Variants in ZNF469 observed in about 807,000 individuals in gnomAD.
The protein encoded by ZNF469 is zinc finger protein 469.
ZNF469 carries 1 observed loss-of-function variant against 1.0 expected under a neutral mutation model. The ratio of observed to expected loss-of-function variants is 1.00; its 90% CI spans 0.35 to 4.73. ZNF469 has a LOEUF of 4.73. Among genes scored for constraint, ZNF469 ranks in the 30% most tolerant of loss-of-function variants. The pLI, the probability that ZNF469 is intolerant of heterozygous loss-of-function variation, is 0.16. For synonymous variants in ZNF469, 2,703 were observed against 2,363.4 expected, an observed-to-expected ratio of 1.14 and a Z score of -4.17; for missense variants, 6,100 against 5,356.3, an observed-to-expected ratio of 1.14 and a Z score of -4.33.
upstream of ZNF469, among the ~76,000 whole-genome samples, chr16:88,380,727 C>T (rs967084603): frequency 6.7e-6 from 1 of 148,388 alleles, no homozygotes; most frequent in Non-Finnish European, 1.5e-5. Flanking sequence ...CATACACACA[C>T]AGACATGCAC....
intron 1 of ZNF469, among the ~76,000 whole-genome samples, chr16:88,395,074 A>G (rs72805321): frequency 0.096 from 14,682 of 152,292 alleles, 804 homozygotes; most frequent in African/African-American, 0.13. Context: ...CAAGGAGTGA[A>G]TCAGCCCCAG....
At chr16:88,162,975 T>G in the ZNF469 span, among the ~76,000 whole-genome samples, 1 of 151,990 alleles carries the variant, frequency 6.6e-6, no homozygotes, top group Non-Finnish European at 1.5e-5. Flanking sequence ...AGGGAGTAGG[T>G]GTTGGATGGA....
chr16:88,193,036 ATGG>A, the ZNF469 span, among the ~76,000 whole-genome samples: 4 of 43,124 alleles, frequency 9.3e-5, no homozygotes, highest in Non-Finnish European at 2.0e-4. Context: ...GATGGTGGTG[ATGG>A]TGGTGGTGAT....
chr16:88,102,685 A>G, the ZNF469 span, among the ~76,000 whole-genome samples: 1 of 152,206 alleles, frequency 6.6e-6, no homozygotes, highest in African/African-American at 2.4e-5. Context: ...GTCCTCCCAG[A>G]CTTCAAGGAG....
the ZNF469 span, among the ~76,000 whole-genome samples, chr16:88,291,971 G>T: frequency 1.4e-3 from 213 of 152,344 alleles, 1 homozygote; most frequent in African/African-American, 4.9e-3. Flanking sequence ...CAGGGAAGGG[G>T]CTGGAGCCGA....
At chr16:88,415,956 G>C (rs1173760262) in intron 1 of ZNF469, among the ~76,000 whole-genome samples, 1 of 152,252 alleles carries the variant, frequency 6.6e-6, no homozygotes, top group Non-Finnish European at 1.5e-5. Context: ...TGCAGAGCCA[G>C]AGTGCGGACA....
At chr16:88,116,135 G>GA in the ZNF469 span, among the ~76,000 whole-genome samples, 1 of 152,190 alleles carries the variant, frequency 6.6e-6, no homozygotes, top group Non-Finnish European at 1.5e-5. Context: ...ACTCAACCGT[G>GA]AAAAAACAAG....
At chr16:88,158,908 G>A in the ZNF469 span, among the ~76,000 whole-genome samples, 9 of 152,036 alleles carry the variant, frequency 5.9e-5, no homozygotes, top group South Asian at 2.1e-4. Context: ...GGGGCCTTCC[G>A]ACATCCTCCT....
chr16:88,148,933 G>A, the ZNF469 span, among the ~76,000 whole-genome samples: 85,224 of 152,140 alleles, frequency 0.56, 28,245 homozygotes, highest in Non-Finnish European at 0.76. Flanking sequence ...GCACGTGGCA[G>A]GTGCTCTGGC....
chr16:88,268,652 G>T, the ZNF469 span, among the ~76,000 whole-genome samples: 13 of 152,348 alleles, frequency 8.5e-5, no homozygotes, highest in Non-Finnish European at 8.8e-5. Flanking sequence ...CCAGCAGGAC[G>T]TGTGGCTGTC....
the ZNF469 span, among the ~76,000 whole-genome samples, chr16:88,123,971 T>C: frequency 6.6e-6 from 1 of 152,054 alleles, no homozygotes; most frequent in Non-Finnish European, 1.5e-5. Context: ...GCCCAGCTAA[T>C]TTTCTATTTT....
At chr16:88,386,639 C>T (rs1230950049) in intron 1 of ZNF469, among the ~76,000 whole-genome samples, 1 of 152,204 alleles carries the variant, frequency 6.6e-6, no homozygotes, top group Non-Finnish European at 1.5e-5. Context: ...CTAGTGATTC[C>T]TTTCCAGACA....
the ZNF469 span, among the ~76,000 whole-genome samples, chr16:88,360,117 G>T: frequency 6.6e-6 from 1 of 152,022 alleles, no homozygotes; most frequent in Non-Finnish European, 1.5e-5. Flanking sequence ...GCCTCCCAAA[G>T]TGCTGGGATT....
chr16:88,101,884 C>T, the ZNF469 span, among the ~76,000 whole-genome samples: 1 of 152,156 alleles, frequency 6.6e-6, no homozygotes. Flanking sequence ...GTAGACATAA[C>T]CAGAAAGCCG....
chr16:88,303,628 C>G, the ZNF469 span, among the ~76,000 whole-genome samples: 6 of 152,240 alleles, frequency 3.9e-5, no homozygotes, highest in African/African-American at 1.4e-4. Flanking sequence ...CCACCTCCAC[C>G]TTCCAGTGGG....
At chr16:88,222,414 G>A in the ZNF469 span, among the ~76,000 whole-genome samples, 8 of 152,254 alleles carry the variant, frequency 5.3e-5, no homozygotes, top group South Asian at 2.1e-4. Flanking sequence ...TCAGCCTCCC[G>A]AGTAGCTGGG....
intron 1 of ZNF469, among the ~76,000 whole-genome samples, chr16:88,421,126 G>A (rs1905443083): frequency 6.6e-6 from 1 of 152,012 alleles, no homozygotes; most frequent in South Asian, 2.1e-4. Flanking sequence ...AGGCGAAGAG[G>A]GTTGGGAGCA....
At chr16:88,215,304 A>T in the ZNF469 span, among the ~76,000 whole-genome samples, 3 of 151,574 alleles carry the variant, frequency 2.0e-5, no homozygotes, top group South Asian at 2.1e-4. Context: ...TAATTACTGA[A>T]ATACTTGCAT....
At chr16:88,143,046 A>G in the ZNF469 span, among the ~76,000 whole-genome samples, 1 of 152,192 alleles carries the variant, frequency 6.6e-6, no homozygotes, top group South Asian at 2.1e-4. Context: ...TGTGATTAGG[A>G]TGGGAGGAGA....
Sources: allele counts gnomAD v4.1 joint callset (sites outside exome capture counted in the v4.1 genomes callset), GRCh38; gene constraint gnomAD v4.1.1; transcripts MANE v1.5; gene names NCBI Gene and HGNC (gene_info 2026-07-23, HGNC 2026-07-21).